Variants in AUTS2 observed in about 807,000 individuals in gnomAD.
AUTS2 encodes autism susceptibility gene 2 protein.
In AUTS2, 17 loss-of-function variants were observed where a neutral mutation model predicts 112.4. The ratio of observed to expected loss-of-function variants is 0.15; its 90% CI spans 0.10 to 0.23. AUTS2 has a LOEUF of 0.23. AUTS2 is among the 10% of genes least tolerant of loss of function. The pLI is 1.00. For missense variants in AUTS2, 1,510 were observed against 1,701.6 expected, an observed-to-expected ratio of 0.89 and a Z score of 1.98; for synonymous variants, 751 against 702.7, an observed-to-expected ratio of 1.07 and a Z score of -1.09.
In AUTS2 at chr7:70,658,334, C is replaced by A. The variant is rs560651242; in HGVS notation, c.691-40235C>A. Among the ~76,000 whole-genome samples the A allele has an allele frequency of 3.3e-5, 5 of 152,308 alleles. No individual in the cohort carries two copies. The East Asian group carries it at 7.7e-4, about 24-fold the overall frequency. On this transcript the variant is annotated intron_variant, in intron 5 of 18. Transcript: ENST00000342771. ...TGCTAACAGCAAAAGACCACTCCCC[C>A]CCAACACCACACTTGCACATGCCTC...
chr7:70,365,903 A>G (rs1450751470), intron 4 of AUTS2, among the ~76,000 whole-genome samples: 2 of 152,200 alleles, frequency 1.3e-5, no homozygotes, highest in African/African-American at 2.4e-5. Flanking sequence ...TTTACTTACC[A>G]TAAAAGCTCA....
At chr7:70,313,929 T>G (rs1404712533) in intron 4 of AUTS2, among the ~76,000 whole-genome samples, 1 of 152,198 alleles carries the variant, frequency 6.6e-6, no homozygotes, top group Non-Finnish European at 1.5e-5. Context: ...TCCCACAGAA[T>G]TAATTAGCCG....
chr7:70,484,257 T>C (rs186099108), intron 5 of AUTS2, among the ~76,000 whole-genome samples: 136 of 152,342 alleles, frequency 8.9e-4, no homozygotes, highest in African/African-American at 3.2e-3. Flanking sequence ...AGCTCATAAA[T>C]TTGTATTTTA....
rs71884990 is a variant in AUTS2 at position 70,742,886 on chromosome 7, GAAGC to G, written c.743-19983_743-19980del. Among the ~76,000 whole-genome samples, 735 of 152,316 alleles carry G rather than the reference GAAGC, an allele frequency of 4.8e-3. 9 individuals carry two copies. Among genetic ancestry groups the G allele is most frequent in the African/African-American group, 0.016 (680 of 41,570 alleles). On this transcript the variant is annotated intron_variant, in intron 6 of 18. Coordinates refer to ENST00000342771, the MANE Select transcript of AUTS2 (RefSeq NM_015570.4). ...AACTGGAAAGGACCACAGATATCAG[GAAGC>G]CCAAACTTCTCTCTTTTTCAGATGA...
Position 70,107,336 on chromosome 7 carries a change from T to C in AUTS2, c.523-10796T>C, listed in dbSNP as rs1446860756. On this transcript the variant is annotated intron_variant, in intron 2 of 18. Transcript: ENST00000342771. ...TACTGGCCAATCCCAGATGAGAAGC[T>C]TTTTTTTTTTTTTTTTTTTTTTCTT... Among the ~76,000 whole-genome samples, 3 of 59,274 alleles carry C rather than the reference T, an allele frequency of 5.1e-5. No homozygotes were observed. In the East Asian group the frequency reaches 1.2e-3, roughly 24 times the overall value. The allele number at this position is 59,274 out of a possible 152,430, so 38.9% of individuals were successfully genotyped here.
intron 5 of AUTS2, among the ~76,000 whole-genome samples, chr7:70,516,426 A>C (rs2129493938): frequency 6.6e-6 from 1 of 152,332 alleles, no homozygotes; most frequent in African/African-American, 2.4e-5. Context: ...GAAATGATTA[A>C]GATTTCGGAG....
chr7:69,892,816 A>G (rs1794585077), intron 1 of AUTS2, among the ~76,000 whole-genome samples: 1 of 152,198 alleles, frequency 6.6e-6, no homozygotes, highest in Non-Finnish European at 1.5e-5. Context: ...TTTGCATATG[A>G]TTACCTATTC....
At chr7:69,820,810 A>G (rs1413330438) in intron 1 of AUTS2, among the ~76,000 whole-genome samples, 1 of 152,222 alleles carries the variant, frequency 6.6e-6, no homozygotes, top group Non-Finnish European at 1.5e-5. Flanking sequence ...AGCTTAGTTA[A>G]GTGTAGTGAA....
intron 2 of AUTS2, among the ~76,000 whole-genome samples, chr7:69,997,937 A>G (rs908512730): frequency 1.3e-5 from 2 of 152,208 alleles, no homozygotes; most frequent in Non-Finnish European, 2.9e-5. Context: ...TTACTGACTT[A>G]TAAACCCAGG....
chr7:70,325,502 C>T (rs934400278), intron 4 of AUTS2, among the ~76,000 whole-genome samples: 4 of 152,004 alleles, frequency 2.6e-5, no homozygotes, highest in East Asian at 3.9e-4. Context: ...TAGATATGGG[C>T]GTCACAATGG....
chr7:69,602,040 A>ATATATATG (rs1474403063), intron 1 of AUTS2, among the ~76,000 whole-genome samples: 10 of 46,254 alleles, frequency 2.2e-4, no homozygotes, highest in Admixed American at 6.9e-4. Context: ...ATATATATAT[A>ATATATATG]TGTGTGTGTG....
At chr7:69,714,165 A>T (rs1357880321) in intron 1 of AUTS2, among the ~76,000 whole-genome samples, 1 of 151,282 alleles carries the variant, frequency 6.6e-6, no homozygotes, top group East Asian at 1.9e-4. Flanking sequence ...GGTTCAAGTG[A>T]TCCTCCCACA....
At chr7:69,722,119 A>G (rs1411126989) in intron 1 of AUTS2, among the ~76,000 whole-genome samples, 1 of 151,790 alleles carries the variant, frequency 6.6e-6, no homozygotes, top group Non-Finnish European at 1.5e-5. Context: ...CTTGAAATGC[A>G]TGAGAAAGTT....
chr7:69,909,876 T>G, intron 2 of AUTS2, among the ~76,000 whole-genome samples: 1 of 152,230 alleles, frequency 6.6e-6, no homozygotes, highest in Admixed American at 6.5e-5. Flanking sequence ...ACCGAATAGT[T>G]GCTAATGAAA....
At chr7:70,784,860 G>T in intron 15 of AUTS2, 82 bp from the exon 16 acceptor site, 2 of 1,247,576 alleles carry the variant, frequency 1.6e-6, no homozygotes, top group Non-Finnish European at 2.3e-6. Context: ...TTTCTCACGG[G>T]GCCCTTAAGC....
intron 1 of AUTS2, among the ~76,000 whole-genome samples, chr7:69,619,856 C>T (rs1042548315): frequency 2.6e-5 from 4 of 151,968 alleles, no homozygotes; most frequent in African/African-American, 7.3e-5. Flanking sequence ...ATTCTGGTGT[C>T]GCATTGTTTT....
chr7:70,288,098 A>G (rs1219962333), intron 4 of AUTS2, among the ~76,000 whole-genome samples: 1 of 152,142 alleles, frequency 6.6e-6, no homozygotes, highest in African/African-American at 2.4e-5. Context: ...TAAGGGCATA[A>G]TTTTTGTCAT....
At position 69,655,111 on chromosome 7, in the gene AUTS2, A is replaced by C. The variant is rs191931722; in HGVS notation, c.309+55149A>C. Among the ~76,000 whole-genome samples, 3 of 152,308 alleles carry C rather than the reference A, an allele frequency of 2.0e-5. No individual in the cohort carries two copies. In the East Asian group the frequency reaches 5.8e-4, roughly 29 times the overall value. On this transcript the variant is annotated intron_variant, in intron 1 of 18. Coordinates refer to ENST00000342771, the MANE Select transcript of AUTS2 (RefSeq NM_015570.4). ...TGATGCACCTGAATAACAATAGGGA[A>C]GCTTGTTGACCATTTGGCACTTCAC...
At chr7:70,485,000 G>A (rs1303696252) in intron 5 of AUTS2, among the ~76,000 whole-genome samples, 1 of 152,200 alleles carries the variant, frequency 6.6e-6, no homozygotes, top group Non-Finnish European at 1.5e-5. Flanking sequence ...TGCCGTGGTT[G>A]TGGTAAAAAG....
Sources: allele counts gnomAD v4.1 joint callset (sites outside exome capture counted in the v4.1 genomes callset), GRCh38; gene constraint gnomAD v4.1.1; transcripts MANE v1.5; gene names NCBI Gene and HGNC (gene_info 2026-07-23, HGNC 2026-07-21).